The following EVL variants were observed in gnomAD, a reference collection of about 807,000 sequenced individuals.
EVL encodes Enah/Vasp-like.
EVL carries 21 observed loss-of-function variants against 59.6 expected under a neutral mutation model. The ratio of observed to expected loss-of-function variants is 0.35; its 90% CI spans 0.25 to 0.51. The LOEUF (loss-of-function observed/expected upper bound fraction) is 0.51, where lower values mean the gene tolerates loss of function less well. Among genes scored for constraint, EVL ranks in the 20% least tolerant of loss-of-function variants. The pLI is 0.97. For missense variants in EVL, 462 were observed against 546.6 expected, an observed-to-expected ratio of 0.85 and a Z score of 1.54; for synonymous variants, 198 against 203.5, an observed-to-expected ratio of 0.97 and a Z score of 0.23.
At chr14:99,996,066 C>T (rs1228168770) in intron 1 of EVL, among the ~76,000 whole-genome samples, 2 of 152,126 alleles carry the variant, frequency 1.3e-5, no homozygotes, top group African/African-American at 4.8e-5. Context: ...CCTCAGGTAG[C>T]TTCCCCCCTC....
intron 1 of EVL, among the ~76,000 whole-genome samples, chr14:100,050,346 T>G (rs1313423118): frequency 2.1e-5 from 1 of 48,014 alleles, no homozygotes; most frequent in African/African-American, 7.9e-5. Context: ...ATTTCATTTA[T>G]TTATTTATTT....
chr14:100,127,624 A>G lies in EVL; in HGVS notation c.487+853A>G, dbSNP rs750067910. ...TCTCTCCCTCTAGTGCCTCGCAAGCACTTCCCATCCTTTTCCTCCTTCCTC... is the reference window on the plus strand; with the variant it reads ...TCTCTCCCTCTAGTGCCTCGCAAGCGCTTCCCATCCTTTTCCTCCTTCCTC... On this transcript the variant is annotated intron_variant, in intron 5 of 13. Transcript: ENST00000392920. The surrounding 1 kb of genome is among the most constrained non-coding windows in gnomAD (Gnocchi z 4.2). 6.6e-6 allele frequency among the ~76,000 whole-genome samples: 1 copy of G among 152,002 alleles called. No individual in the cohort carries two copies. The highest frequency in any genetic ancestry group is 1.5e-5 in the Non-Finnish European group (1 of 67,986).
chr14:100,016,268 C>T (rs1477075203), intron 1 of EVL, among the ~76,000 whole-genome samples: 2 of 151,002 alleles, frequency 1.3e-5, no homozygotes, highest in Admixed American at 6.6e-5. Context: ...TTGTGGCTCA[C>T]GCCTGTAATC....
chr14:100,097,723 A>G, intron 3 of EVL, 65 bp downstream of exon 3: 1 of 1,478,682 alleles, frequency 6.8e-7, no homozygotes, highest in Non-Finnish European at 9.1e-7. Context: ...GCCCTCCCAC[A>G]GCTCTGGCTC....
In EVL at chr14:100,143,770, C is replaced by G. The variant is rs1889355642; in HGVS notation, c.*32C>G. On this transcript the variant is annotated 3_prime_UTR_variant, in exon 14 of 14. Transcript: ENST00000392920. ...GGCCTCGCTGCGCTGATTCGTCGAGCCCATCCGGCGACAGAGGACAGCCAG... is the reference window on the plus strand; with the variant it reads ...GGCCTCGCTGCGCTGATTCGTCGAGGCCATCCGGCGACAGAGGACAGCCAG... 20 of 1,606,510 alleles carry G rather than the reference C, an allele frequency of 1.2e-5. No individual in the cohort carries two copies. Among genetic ancestry groups the G allele is most frequent in the South Asian group, 2.2e-5 (2 of 90,178 alleles).
intron 3 of EVL, among the ~76,000 whole-genome samples, chr14:100,121,254 A>G (rs1291838332): frequency 6.6e-6 from 1 of 152,194 alleles, no homozygotes; most frequent in African/African-American, 2.4e-5. Flanking sequence ...AAGGGCCACC[A>G]GCAGTCTGCA....
intron 1 of EVL, among the ~76,000 whole-genome samples, chr14:100,046,757 T>C (rs566787444): frequency 2.0e-4 from 30 of 147,654 alleles, no homozygotes; most frequent in African/African-American, 4.9e-4. Context: ...TTCTTTCTTT[T>C]TTTTTTTTTT....
chr14:100,092,711 G>A (rs749940559), intron 2 of EVL, among the ~76,000 whole-genome samples: 3 of 152,070 alleles, frequency 2.0e-5, no homozygotes, highest in Non-Finnish European at 2.9e-5. Context: ...CTCCAGCCTG[G>A]GTGACAGGAG....
intron 1 of EVL, among the ~76,000 whole-genome samples, chr14:100,070,565 T>G (rs2062028793): frequency 6.6e-6 from 1 of 152,202 alleles, no homozygotes; most frequent in Non-Finnish European, 1.5e-5. Context: ...CGGCTCAGGA[T>G]CTCTCCTACC....
chr14:100,103,950 A>C (rs1173656675), intron 3 of EVL, among the ~76,000 whole-genome samples: 1 of 152,158 alleles, frequency 6.6e-6, no homozygotes, highest in Non-Finnish European at 1.5e-5. Flanking sequence ...CACGTGCTGC[A>C]GGAGGGTGCG....
rs1355343109 is a variant in EVL at position 100,097,624 on chromosome 14, G to C, written c.324G>C (p.Leu108=). 1 of 1,613,652 alleles carries C rather than the reference G, an allele frequency of 6.2e-7. No homozygotes were observed. Residue 108 remains leucine, a synonymous_variant, in exon 3 of 14, where the codon CTG becomes CTC. Transcript: ENST00000392920. ...CAACCACGTTCTCCAATGCAATGCTGTTTGCCCTGAACATCATGAATTCCC... is the reference window on the plus strand; with the variant it reads ...CAACCACGTTCTCCAATGCAATGCTCTTTGCCCTGAACATCATGAATTCCC... ...EEATTFSNAM[L]FALNIMNSQE...
chr14:99,980,514 G>C (rs1174457374), intron 1 of EVL, among the ~76,000 whole-genome samples: 2 of 152,196 alleles, frequency 1.3e-5, no homozygotes, highest in Non-Finnish European at 2.9e-5. Flanking sequence ...TCTGGGCCAA[G>C]GGCACTTTAT....
rs1888512157 is a variant in EVL, at chr14:100,132,702, C to G, written c.840-17C>G. On this transcript the variant is annotated splice_polypyrimidine_tract_variant and intron_variant, in intron 7 of 13. Coordinates refer to ENST00000392920, the MANE Select transcript of EVL (RefSeq NM_016337.3). ...ACGTGAGGAGCTGATCTGTATCTTC[C>G]CCTTCTCTGTGCCTAGGAGAAAAGC... 4 of 1,613,982 alleles carry G rather than the reference C, an allele frequency of 2.5e-6. No homozygotes were observed. In the East Asian group the frequency reaches 6.7e-5, roughly 27 times the overall value.
intron 1 of EVL, among the ~76,000 whole-genome samples, chr14:100,038,962 C>T (rs1218482247): frequency 6.6e-6 from 1 of 152,164 alleles, no homozygotes; most frequent in Non-Finnish European, 1.5e-5. Context: ...GACTGTGTTT[C>T]CTTCTGCAGC....
intron 1 of EVL, among the ~76,000 whole-genome samples, chr14:100,016,984 G>A (rs1167619144): frequency 6.6e-6 from 1 of 152,198 alleles, no homozygotes; most frequent in African/African-American, 2.4e-5. Flanking sequence ...TATCAAATAA[G>A]TCCTCTTCTG....
chr14:100,092,489 C>T (rs2062586131), intron 2 of EVL, among the ~76,000 whole-genome samples: 1 of 152,136 alleles, frequency 6.6e-6, no homozygotes, highest in Admixed American at 6.5e-5. Context: ...AATCCCAACA[C>T]TTTGGGAGAC....
intron 3 of EVL, among the ~76,000 whole-genome samples, chr14:100,104,571 T>G (rs956892115): frequency 6.6e-6 from 1 of 152,008 alleles, no homozygotes; most frequent in African/African-American, 2.4e-5. Context: ...AAAGATGTTT[T>G]TCTGCTCCTC....
chr14:100,143,634 G>T lies in EVL; in HGVS notation c.1220-67G>T, dbSNP rs1889338248. On this transcript the variant is annotated intron_variant, in intron 13 of 13. Transcript: ENST00000392920. ...AGGCAGGTCCACGCCAGGGGTGCGG[G>T]GCCCTGATGAGGAACCGGGCTGCAC... The T allele has an allele frequency of 2.5e-6, 4 of 1,592,314 alleles. No homozygotes were observed. In the East Asian group the frequency reaches 9.0e-5, roughly 36 times the overall value.
chr14:99,995,116 G>A (rs543067166), intron 1 of EVL, among the ~76,000 whole-genome samples: 1 of 152,086 alleles, frequency 6.6e-6, no homozygotes, highest in Admixed American at 6.5e-5. Flanking sequence ...TGGTTATTAC[G>A]TGTGTTAGTA....
Sources: gnomAD v4.1 joint callset for allele counts (sites outside exome capture counted in the v4.1 genomes callset) on GRCh38, gnomAD v4.1.1 for gene constraint, Gnocchi (gnomAD v3.1) non-coding constraint, MANE v1.5 for transcripts, NCBI Gene and HGNC (gene_info 2026-07-23, HGNC 2026-07-21) for gene names.